Variants in OR7C1 observed in about 807,000 individuals in gnomAD.
The protein encoded by OR7C1 is olfactory receptor family 7 subfamily C member 1, also known as olfactory receptor 7C1.
For synonymous variants in OR7C1, 152 were observed against 160.7 expected, an observed-to-expected ratio of 0.95 and a Z score of 0.41; for missense variants, 324 against 383.3, an observed-to-expected ratio of 0.85 and a Z score of 1.29.
At chr19:14,805,406 ATTTTTTTTTTTTT>A (rs33957500) in intron 2 of OR7C1, among the ~76,000 whole-genome samples, 10 of 98,104 alleles carry the variant, frequency 1.0e-4, no homozygotes, top group Admixed American at 8.3e-4. Context: ...CAGGAAAATA[ATTTTTTTTTTTTT>A]TTTTTTTTTT....
chr19:14,799,537 G>A, exon 5 of OR7C1: 1 of 1,614,216 alleles, frequency 6.2e-7, no homozygotes, highest in South Asian at 1.1e-5. Context: ...CAGTTGCAAA[G>A]TATATCACCA....
intron 2 of OR7C1, among the ~76,000 whole-genome samples, chr19:14,801,055 C>T (rs535910487): frequency 1.3e-5 from 2 of 152,266 alleles, no homozygotes; most frequent in African/African-American, 4.8e-5. Flanking sequence ...CTAGTGCATG[C>T]CAATGAACCC....
chr19:14,810,292 AAGTTTCTG>A (rs2044684765), intron 1 of OR7C1, among the ~76,000 whole-genome samples: 1 of 151,692 alleles, frequency 6.6e-6, no homozygotes, highest in Non-Finnish European at 1.5e-5. Context: ...ATGAATCTCC[AAGTTTCTG>A]AGGGACACTC....
At chr19:14,828,820 A>G (rs2145080127) in intron 1 of OR7C1, among the ~76,000 whole-genome samples, 1 of 151,270 alleles carries the variant, frequency 6.6e-6, no homozygotes, top group Non-Finnish European at 1.5e-5. Context: ...TTTGAGGAAT[A>G]TAAATTGAAT....
intron 1 of OR7C1, among the ~76,000 whole-genome samples, chr19:14,823,000 G>T (rs1027989675): frequency 4.6e-5 from 7 of 152,082 alleles, no homozygotes; most frequent in Non-Finnish European, 5.9e-5. Context: ...TGTGCAGAAG[G>T]TTTTTAATTT....
chr19:14,813,792 G>A (rs548967945), intron 1 of OR7C1, among the ~76,000 whole-genome samples: 24 of 152,080 alleles, frequency 1.6e-4, no homozygotes, highest in African/African-American at 4.3e-4. Context: ...CAGCAAGGGG[G>A]AAATCTGCCC....
exon 3 of OR7C1, chr19:14,800,690 T>C (rs1357012814): frequency 3.3e-5 from 5 of 152,224 alleles, no homozygotes; most frequent in Non-Finnish European, 7.3e-5. Flanking sequence ...AACTAAGGAC[T>C]AGAAGTTTTC....
chr19:14,808,535 A>G (rs1380120536), intron 2 of OR7C1, among the ~76,000 whole-genome samples: 1 of 149,282 alleles, frequency 6.7e-6, no homozygotes, highest in Non-Finnish European at 1.5e-5. Flanking sequence ...ATCAAATACC[A>G]TATGTTTTCA....
intron 1 of OR7C1, among the ~76,000 whole-genome samples, chr19:14,811,895 C>T (rs1379446772): frequency 6.6e-6 from 1 of 151,966 alleles, no homozygotes; most frequent in Non-Finnish European, 1.5e-5. Context: ...TCACCTCCTC[C>T]CGTGCGGCCT....
intron 1 of OR7C1, among the ~76,000 whole-genome samples, chr19:14,823,172 G>T (rs1312999678): frequency 6.6e-6 from 1 of 152,172 alleles, no homozygotes; most frequent in African/African-American, 2.4e-5. Flanking sequence ...GCGTAAATTG[G>T]TTGGGTGCAG....
chr19:14,813,716 AG>A (rs59966243), intron 1 of OR7C1, among the ~76,000 whole-genome samples: 1 of 151,832 alleles, frequency 6.6e-6, no homozygotes, highest in Non-Finnish European at 1.5e-5. Context: ...GAGAGAGAGA[AG>A]GGGGGCGTGC....
intron 2 of OR7C1, among the ~76,000 whole-genome samples, chr19:14,805,359 T>C (rs2044661300): frequency 6.6e-6 from 1 of 150,862 alleles, no homozygotes; most frequent in Non-Finnish European, 1.5e-5. Flanking sequence ...CATCTTCATG[T>C]CTCCCATGAT....
At chr19:14,822,345 C>A (rs1340119018) in intron 1 of OR7C1, among the ~76,000 whole-genome samples, 1 of 149,176 alleles carries the variant, frequency 6.7e-6, no homozygotes, top group Non-Finnish European at 1.5e-5. Context: ...CCCTTTTCTC[C>A]AGATCCTCAT....
chr19:14,827,306 C>T (rs768892693), intron 1 of OR7C1: 1 of 1,553,750 alleles, frequency 6.4e-7, no homozygotes, highest in African/African-American at 1.4e-5. Flanking sequence ...TGAAAAATTG[C>T]CCTTTCATTG....
chr19:14,806,064 T>G (rs1346487970), intron 2 of OR7C1, among the ~76,000 whole-genome samples: 1 of 151,914 alleles, frequency 6.6e-6, no homozygotes, highest in East Asian at 1.9e-4. Context: ...TCTGTACTAT[T>G]TAGAGTCTAA....
intron 1 of OR7C1, among the ~76,000 whole-genome samples, chr19:14,820,157 C>G (rs903920635): frequency 1.4e-4 from 21 of 152,066 alleles, no homozygotes; most frequent in African/African-American, 4.8e-4. Flanking sequence ...GTTGATCTGC[C>G]CACCTTGGCC....
rs181921270 is a variant in OR7C1 at position 14,826,062 on chromosome 19, T to C, written c.-623+9012A>G. 4 of 152,248 alleles carry C rather than the reference T, an allele frequency of 2.6e-5. No homozygotes were observed. In the East Asian group the frequency reaches 7.7e-4, roughly 29 times the overall value. The allele number at this position is 152,248 out of a possible 1,614,324, so 9.4% of individuals were successfully genotyped here. A position where few individuals can be genotyped will look rare whatever the true frequency, so the allele number is the denominator to read the frequency against. On this transcript the variant is annotated intron_variant, in intron 1 of 4. Transcript: ENST00000641666. ...CTACTGTTGAGATTCCCCATCTAGGTGATCTGGAGAGGTTAGAATGAGATG... is the reference window on the plus strand; with the variant it reads ...CTACTGTTGAGATTCCCCATCTAGGCGATCTGGAGAGGTTAGAATGAGATG...
intron 1 of OR7C1, chr19:14,828,072 G>T (rs936874666): frequency 6.2e-6 from 10 of 1,614,048 alleles, no homozygotes; most frequent in Non-Finnish European, 7.6e-6. Context: ...GTACATGGGG[G>T]TGTGGAGGTG....
intron 1 of OR7C1, among the ~76,000 whole-genome samples, chr19:14,829,871 A>G (rs1433016323): frequency 6.6e-6 from 1 of 152,164 alleles, no homozygotes; most frequent in African/African-American, 2.4e-5. Context: ...TCACACACAC[A>G]TATACACATG....
Sources: allele counts gnomAD v4.1 joint callset (sites outside exome capture counted in the v4.1 genomes callset), GRCh38; gene constraint gnomAD v4.1.1; transcripts MANE v1.5; gene names NCBI Gene and HGNC (gene_info 2026-07-23, HGNC 2026-07-21).